SRC: variants seen among roughly 807,000 people sequenced by gnomAD.
SRC encodes the protein proto-oncogene tyrosine-protein kinase Src.
SRC carries 13 observed loss-of-function variants against 62.9 expected under a neutral mutation model. The observed-to-expected ratio is 0.21, with a 90% CI of 0.13 to 0.33. SRC has a LOEUF of 0.33. Ranked by LOEUF, SRC falls within the 10% of genes least tolerant of loss-of-function variation. SRC has a pLI of 1.00. For synonymous variants in SRC, 302 were observed against 317.5 expected, an observed-to-expected ratio of 0.95 and a Z score of 0.52; for missense variants, 457 against 737.3, an observed-to-expected ratio of 0.62 and a Z score of 4.40.
At chr20:37,388,493 C>G (rs2070490807) in intron 5 of SRC, among the ~76,000 whole-genome samples, 1 of 152,200 alleles carries the variant, frequency 6.6e-6, no homozygotes, top group South Asian at 2.1e-4. Context: ...CGCCTGTAAT[C>G]CCAGCACTTT....
chr20:37,373,456 C>CAT (rs1555796515), intron 2 of SRC, among the ~76,000 whole-genome samples: 3 of 94,744 alleles, frequency 3.2e-5, no homozygotes, highest in Non-Finnish European at 5.8e-5. Context: ...CGCATATATG[C>CAT]ATATATACAC....
At position 37,384,132 on chromosome 20, in the gene SRC, TTC is replaced by T. The variant is rs1440618505; in HGVS notation, c.-4-9_-4-8del. ...CGGCAGCCCTGCCTGTTCCAGTGTC[TTC>T]TCTCTCTCCTGCCAGGACCATGGGT... On this transcript the variant is annotated splice_polypyrimidine_tract_variant and intron_variant, in intron 3 of 13. Transcript: ENST00000373578. This position sits in a 1 kb window ranked among gnomAD's most constrained non-coding sequence, Gnocchi z 6.7. 7 of 1,597,290 alleles carry T rather than the reference TTC, an allele frequency of 4.4e-6. No individual in the cohort carries two copies. The highest frequency in any genetic ancestry group is 1.7e-5 in the Admixed American group (1 of 59,530).
intron 9 of SRC, among the ~76,000 whole-genome samples, chr20:37,399,283 C>T (rs1282611959): frequency 1.3e-5 from 2 of 152,162 alleles, no homozygotes; most frequent in Non-Finnish European, 2.9e-5. Flanking sequence ...CCAGCCTGAC[C>T]CCCAAGCCCT....
intron 1 of SRC, among the ~76,000 whole-genome samples, chr20:37,360,419 A>G (rs549012378): frequency 2.3e-4 from 35 of 151,974 alleles, no homozygotes; most frequent in African/African-American, 8.4e-4. Flanking sequence ...TGTAGTGATG[A>G]GGTCTCTCTA....
rs763031752 is a variant in SRC at position 37,401,669 on chromosome 20, G to A, written c.1107G>A (p.Met369Ile). ...TGCGGCTGCCTCAGCTGGTGGACAT[G>A]GCTGCTCAGGTGAGTCAGCCCCTCC... is the stretch of plus-strand genomic sequence containing the variant. ...KYLRLPQLVDMAAQIASGMAY... is the reference protein window; with the variant it reads ...KYLRLPQLVDIAAQIASGMAY... Residue 369 changes from methionine (M) to isoleucine (I), a missense_variant, in exon 11 of 14, where the codon ATG (methionine) becomes ATA (isoleucine). Physicochemically the swap from Met to Ile is conservative, Grantham distance 10. Transcript: ENST00000373578. The A allele has an allele frequency of 6.2e-6, 10 of 1,609,672 alleles. No individual in the cohort carries two copies. The highest frequency in any genetic ancestry group is 8.5e-6 in the Non-Finnish European group (10 of 1,178,136).
At chr20:37,352,431 A>G (rs1267314301) in intron 1 of SRC, among the ~76,000 whole-genome samples, 1 of 152,174 alleles carries the variant, frequency 6.6e-6, no homozygotes, top group Non-Finnish European at 1.5e-5. Flanking sequence ...AAGATTAACT[A>G]GAAACAGACA....
intron 2 of SRC, among the ~76,000 whole-genome samples, chr20:37,373,558 G>A (rs1459234360): frequency 6.6e-6 from 1 of 152,140 alleles, no homozygotes; most frequent in African/African-American, 2.4e-5. Context: ...CAACCCTCCT[G>A]CCTTGGCCCC....
intron 2 of SRC, among the ~76,000 whole-genome samples, chr20:37,373,103 CAT>C (rs1205903608): frequency 8.0e-5 from 11 of 136,950 alleles, no homozygotes; most frequent in African/African-American, 2.7e-4. Context: ...TACATATACA[CAT>C]ATATGTACAC....
chr20:37,366,664 CATA>C (rs2070067430), intron 2 of SRC, among the ~76,000 whole-genome samples: 1 of 152,176 alleles, frequency 6.6e-6, no homozygotes, highest in Admixed American at 6.5e-5. Flanking sequence ...TTTCACTTAG[CATA>C]ATGTTTTCAA....
rs149269541 is a variant in SRC at position 37,402,446 on chromosome 20, C to A, written c.1128C>A (p.Gly376=). ...LVDMAAQIAS[G]MAYVERMNYV... is the part of the protein sequence containing the mutation. Reference sequence around the variant, plus strand: ...GGTTCCGCCTGCAGATCGCCTCAGGCATGGCGTACGTGGAGCGGATGAACT... The same window carrying A: ...GGTTCCGCCTGCAGATCGCCTCAGGAATGGCGTACGTGGAGCGGATGAACT... The change falls in exon 12 of 14, where the codon GGC becomes GGA. Residue 376 remains glycine, a synonymous_variant. Transcript: ENST00000373578. The surrounding 1 kb of genome is among the most constrained non-coding windows in gnomAD (Gnocchi z 6.2). 1.4e-4 allele frequency: 229 copies of A among 1,613,452 alleles called. No individual in the cohort carries two copies. In the African/African-American group the frequency reaches 2.9e-3, roughly 20 times the overall value.
At chr20:37,360,589 T>C (rs1366693344) in intron 1 of SRC, among the ~76,000 whole-genome samples, 2 of 152,138 alleles carry the variant, frequency 1.3e-5, no homozygotes, top group Non-Finnish European at 2.9e-5. Flanking sequence ...ATTTTGATGG[T>C]GCAACTGATG....
intron 1 of SRC, among the ~76,000 whole-genome samples, chr20:37,362,298 C>T (rs1025800488): frequency 6.6e-6 from 1 of 151,928 alleles, no homozygotes; most frequent in Non-Finnish European, 1.5e-5. Context: ...TGGCCTCAAG[C>T]GATCCTCCCA....
At chr20:37,380,345 A>C (rs2070347958) in intron 2 of SRC, among the ~76,000 whole-genome samples, 1 of 151,386 alleles carries the variant, frequency 6.6e-6, no homozygotes, top group Non-Finnish European at 1.5e-5. Context: ...GCCCCTTTTC[A>C]CTCTCACCCA....
intron 7 of SRC, among the ~76,000 whole-genome samples, chr20:37,395,684 C>A (rs2070633801): frequency 6.6e-6 from 1 of 152,158 alleles, no homozygotes; most frequent in African/African-American, 2.4e-5. Context: ...GGACAGTGCC[C>A]CCGCAAGCTG....
intron 2 of SRC, among the ~76,000 whole-genome samples, chr20:37,368,536 T>G (rs2070107708): frequency 2.0e-4 from 25 of 124,412 alleles, no homozygotes; most frequent in Admixed American, 3.1e-4. Flanking sequence ...TTTTTTTTTT[T>G]TTTTTTTGTT....
chr20:37,402,463 G>T lies in SRC; in HGVS notation c.1145G>T (p.Arg382Leu), dbSNP rs754204413. The change falls in exon 12 of 14, where the codon CGG becomes CTG. Residue 382 changes from arginine to leucine, a missense_variant. Coordinates refer to ENST00000373578, the MANE Select transcript of SRC (RefSeq NM_198291.3). The surrounding 1 kb of genome is among the most constrained non-coding windows in gnomAD (Gnocchi z 6.2). ...GCCTCAGGCATGGCGTACGTGGAGC[G>T]GATGAACTACGTCCACCGGGACCTT... ...QIASGMAYVE[R>L]MNYVHRDLRA... The T allele has an allele frequency of 4.3e-6, 7 of 1,613,934 alleles. No individual in the cohort carries two copies. Among genetic ancestry groups the T allele is most frequent in the Non-Finnish European group, 5.1e-6 (6 of 1,179,972 alleles).
At position 37,352,936 on chromosome 20, in the gene SRC, A is replaced by G. The variant is rs2069828734; in HGVS notation, c.-247+6681A>G. Among the ~76,000 whole-genome samples the G allele has an allele frequency of 3.9e-5, 6 of 152,282 alleles. No individual in the cohort carries two copies. The South Asian group carries it at 1.2e-3, about 32-fold the overall frequency. ...TGTGAACACCCTGCCGGTCCCACTG[A>G]GTCCATGAGTCCGTACTGACCCCAC... On this transcript the variant is annotated intron_variant, in intron 1 of 13. Coordinates refer to ENST00000373578, the MANE Select transcript of SRC (RefSeq NM_198291.3).
chr20:37,356,747 G>A (rs565993469), intron 1 of SRC, among the ~76,000 whole-genome samples: 76 of 152,280 alleles, frequency 5.0e-4, no homozygotes, highest in African/African-American at 1.8e-3. Flanking sequence ...GAAGGGCTAG[G>A]CCTGATTGCC....
chr20:37,365,491 A>C (rs1568623792), intron 2 of SRC, among the ~76,000 whole-genome samples: 1 of 151,952 alleles, frequency 6.6e-6, no homozygotes, highest in South Asian at 2.1e-4. Flanking sequence ...TATATTAACA[A>C]TTTTTTTAGC....
Sources: gnomAD v4.1 joint callset for allele counts (sites outside exome capture counted in the v4.1 genomes callset) on GRCh38, gnomAD v4.1.1 for gene constraint, Gnocchi (gnomAD v3.1) non-coding constraint, MANE v1.5 for transcripts, NCBI Gene and HGNC (gene_info 2026-07-23, HGNC 2026-07-21) for gene names.